The following CREB5 variants were observed in gnomAD, a reference collection of about 807,000 sequenced individuals.
CREB5 encodes the protein cyclic AMP-responsive element-binding protein 5.
A neutral mutation model predicts 57.1 loss-of-function variants in CREB5; 19 were observed. The observed-to-expected ratio is 0.33, with a 90% CI of 0.23 to 0.49. The LOEUF (loss-of-function observed/expected upper bound fraction) is 0.49, where lower values mean the gene tolerates loss of function less well. CREB5 is among the 20% of genes least tolerant of loss of function. The pLI is 0.99. For synonymous variants in CREB5, 238 were observed against 238.3 expected, an observed-to-expected ratio of 1.00 and a Z score of 0.01; for missense variants, 579 against 671.6, an observed-to-expected ratio of 0.86 and a Z score of 1.52.
chr7:28,607,481 T>C (rs1404329749), intron 5 of CREB5, among the ~76,000 whole-genome samples: 1 of 152,138 alleles, frequency 6.6e-6, no homozygotes, highest in Non-Finnish European at 1.5e-5. Flanking sequence ...CAATCCATAA[T>C]AACAAGCTGG....
intron 5 of CREB5, among the ~76,000 whole-genome samples, chr7:28,675,979 C>G (rs538993090): frequency 6.6e-6 from 1 of 152,240 alleles, no homozygotes; most frequent in Admixed American, 6.5e-5. Context: ...AAAGCTAATT[C>G]CTTCAGATAT....
intron 7 of CREB5, among the ~76,000 whole-genome samples, chr7:28,769,553 T>A (rs1464616707): frequency 6.6e-6 from 1 of 152,216 alleles, no homozygotes. Flanking sequence ...ACAGAATATG[T>A]CGTAGGGCCC....
At chr7:28,359,195 C>CA (rs1786408747) in intron 1 of CREB5, among the ~76,000 whole-genome samples, 1 of 143,572 alleles carries the variant, frequency 7.0e-6, no homozygotes, top group Admixed American at 7.1e-5. Flanking sequence ...AACAAAAACC[C>CA]AAAAAAGCGA....
At position 28,821,850 on chromosome 7, in the gene CREB5, TTTTC is replaced by T. The variant is rs1307101900; in HGVS notation, c.*2579_*2582del. On this transcript the variant is annotated 3_prime_UTR_variant, in exon 11 of 11. Coordinates refer to ENST00000357727, the MANE Select transcript of CREB5 (RefSeq NM_182898.4). ...TGCTTTGTTTTAAGTAAACAAAAAT[TTTTC>T]TTTCTTTACTGCATGCATAGCACTT... 2 of 152,684 alleles carry T rather than the reference TTTTC, an allele frequency of 1.3e-5. No individual in the cohort carries two copies. The highest frequency in any genetic ancestry group is 6.5e-5 in the Admixed American group (1 of 15,284). The allele number at this position is 152,684 out of a possible 1,614,324, so 9.5% of individuals were successfully genotyped here. A position where few individuals can be genotyped will look rare whatever the true frequency, so the allele number is the denominator to read the frequency against.
At chr7:28,730,877 C>T (rs921001095) in intron 7 of CREB5, among the ~76,000 whole-genome samples, 2 of 152,106 alleles carry the variant, frequency 1.3e-5, no homozygotes, top group African/African-American at 2.4e-5. Context: ...ATCATGCTAT[C>T]CCTGGCGTTC....
chr7:28,321,824 G>A (rs543066289), intron 1 of CREB5, among the ~76,000 whole-genome samples: 3 of 152,318 alleles, frequency 2.0e-5, no homozygotes, highest in East Asian at 1.9e-4. Context: ...ATCACAGAGC[G>A]CCGATGCTCC....
chr7:28,349,260 C>T (rs937997388), intron 1 of CREB5, among the ~76,000 whole-genome samples: 3 of 152,180 alleles, frequency 2.0e-5, no homozygotes, highest in Non-Finnish European at 4.4e-5. Context: ...AAGAAAATAT[C>T]AAAGTGCACC....
At chr7:28,724,158 AG>A in intron 6 of CREB5, 63 bp from the exon 7 acceptor site, 5 of 1,371,416 alleles carry the variant, frequency 3.6e-6, no homozygotes, top group Non-Finnish European at 5.1e-6. Flanking sequence ...AGAAAAGTGC[AG>A]CTTTGTCTAA....
At chr7:28,659,205 C>T (rs1406337346) in intron 5 of CREB5, among the ~76,000 whole-genome samples, 1 of 151,766 alleles carries the variant, frequency 6.6e-6, no homozygotes, top group African/African-American at 2.4e-5. Flanking sequence ...AAAGTCTTTG[C>T]AGGCAATTAT....
chr7:28,553,344 A>G (rs1209099270), intron 4 of CREB5, among the ~76,000 whole-genome samples: 3 of 152,240 alleles, frequency 2.0e-5, no homozygotes, highest in Non-Finnish European at 4.4e-5. Flanking sequence ...CCTTTGCTCA[A>G]GAAAATACAT....
chr7:28,489,884 A>T (rs1212824941), intron 2 of CREB5, among the ~76,000 whole-genome samples: 1 of 152,236 alleles, frequency 6.6e-6, no homozygotes, highest in Non-Finnish European at 1.5e-5. Context: ...AGTGATAAGT[A>T]ACTGGTAAAA....
intron 5 of CREB5, among the ~76,000 whole-genome samples, chr7:28,611,728 C>T (rs182527971): frequency 2.0e-5 from 3 of 149,108 alleles, no homozygotes; most frequent in Non-Finnish European, 3.0e-5. Context: ...TATATATGTG[C>T]GAGGTAGGGA....
intron 4 of CREB5, among the ~76,000 whole-genome samples, chr7:28,534,610 G>C (rs1793878063): frequency 6.6e-6 from 1 of 152,132 alleles, no homozygotes; most frequent in African/African-American, 2.4e-5. Context: ...TTTCAAACAG[G>C]AGTCTCAGAT....
intron 3 of CREB5, among the ~76,000 whole-genome samples, chr7:28,499,176 GAAAA>G (rs34378552): frequency 1.6e-5 from 2 of 126,232 alleles, no homozygotes; most frequent in African/African-American, 3.0e-5. Flanking sequence ...TTCTGTGCAG[GAAAA>G]AAAAAAAAAA....
chr7:28,382,013 C>G (rs757869503), intron 1 of CREB5, among the ~76,000 whole-genome samples: 5 of 152,232 alleles, frequency 3.3e-5, no homozygotes, highest in African/African-American at 4.8e-5. Flanking sequence ...CAGTCCAAGT[C>G]TGAAGGCCTC....
chr7:28,530,344 A>G (rs1213527656), intron 4 of CREB5, among the ~76,000 whole-genome samples: 1 of 152,154 alleles, frequency 6.6e-6, no homozygotes, highest in East Asian at 1.9e-4. Context: ...GTTCACCATC[A>G]CTGAGACCTA....
Position 28,551,666 on chromosome 7 carries a change from G to A in CREB5, c.292-18699G>A, listed in dbSNP as rs538257511. 9.5e-4 allele frequency among the ~76,000 whole-genome samples: 145 copies of A among 152,208 alleles called. 2 individuals are homozygous for A. The highest frequency in any genetic ancestry group is 6.8e-3 in the Middle Eastern group (2 of 294). On this transcript the variant is annotated intron_variant, in intron 4 of 10. Coordinates refer to ENST00000357727, the MANE Select transcript of CREB5 (RefSeq NM_182898.4). Reference sequence around the variant, plus strand: ...AAAAAAGAAAGCTCTGAGTGGTCCCGAGACCTGACCAAGGTTGCTTGGTGA... The same window carrying A: ...AAAAAAGAAAGCTCTGAGTGGTCCCAAGACCTGACCAAGGTTGCTTGGTGA...
chr7:28,642,965 C>CGCACAT (rs746924624), intron 5 of CREB5, among the ~76,000 whole-genome samples: 211 of 75,618 alleles, frequency 2.8e-3, no homozygotes, highest in Non-Finnish European at 4.8e-3. Flanking sequence ...CACACACACA[C>CGCACAT]ACACACACAC....
At chr7:28,339,863 C>T (rs1202785120) in intron 1 of CREB5, among the ~76,000 whole-genome samples, 1 of 152,184 alleles carries the variant, frequency 6.6e-6, no homozygotes, top group Non-Finnish European at 1.5e-5. Flanking sequence ...AAAGTCCTTC[C>T]CACTCTTCCT....
Sources: gnomAD v4.1 joint callset for allele counts (sites outside exome capture counted in the v4.1 genomes callset) on GRCh38, gnomAD v4.1.1 for gene constraint, MANE v1.5 for transcripts, NCBI Gene and HGNC (gene_info 2026-07-23, HGNC 2026-07-21) for gene names.